MAN1A2: variants seen among roughly 807,000 people sequenced by gnomAD.
MAN1A2 encodes mannosidase alpha class 1A member 2.
MAN1A2 carries 26 observed loss-of-function variants against 75.7 expected under a neutral mutation model. The ratio of observed to expected loss-of-function variants is 0.34; its 90% CI spans 0.25 to 0.48. The LOEUF (loss-of-function observed/expected upper bound fraction) is 0.48. Among genes scored for constraint, MAN1A2 ranks in the 20% least tolerant of loss-of-function variants. MAN1A2 has a pLI of 0.99. For synonymous variants in MAN1A2, 247 were observed against 264.6 expected, an observed-to-expected ratio of 0.93 and a Z score of 0.65; for missense variants, 562 against 775.5, an observed-to-expected ratio of 0.72 and a Z score of 3.27.
At position 117,404,028 on chromosome 1, in the gene MAN1A2, C is replaced by G. The variant is rs540792889; in HGVS notation, c.559-1521C>G. On this transcript the variant is annotated intron_variant, in intron 2 of 12. Coordinates refer to ENST00000356554, the MANE Select transcript of MAN1A2 (RefSeq NM_006699.5). ...ATTGTCTTCATTTTTCTCTAGATGA[C>G]TGTATGATTTTTTTTCCTTTATTCT... 2.0e-5 allele frequency among the ~76,000 whole-genome samples: 3 copies of G among 152,180 alleles called. No homozygotes were observed. In the East Asian group the frequency reaches 5.8e-4, roughly 29 times the overall value.
chr1:117,389,397 A>G (rs962423031), intron 1 of MAN1A2, among the ~76,000 whole-genome samples: 4 of 152,158 alleles, frequency 2.6e-5, no homozygotes, highest in African/African-American at 7.2e-5. Flanking sequence ...GATCCCTCAC[A>G]TGAGCAGTTC....
chr1:117,486,489 C>T (rs1650704714), intron 8 of MAN1A2, among the ~76,000 whole-genome samples: 1 of 151,862 alleles, frequency 6.6e-6, no homozygotes, highest in Non-Finnish European at 1.5e-5. Flanking sequence ...ATTCTATAAA[C>T]ATTTTTAATT....
intron 6 of MAN1A2, among the ~76,000 whole-genome samples, chr1:117,448,342 A>G (rs1038761363): frequency 2.6e-5 from 4 of 152,234 alleles, no homozygotes; most frequent in African/African-American, 7.2e-5. Context: ...ACTTTATGGC[A>G]TGCAAAGAAG....
In MAN1A2 at chr1:117,489,836, G is replaced by A. The variant is rs187353923; in HGVS notation, c.1169-3311G>A. Among the ~76,000 whole-genome samples the A allele has an allele frequency of 7.2e-4, 109 of 152,028 alleles. 1 individual carries two copies. The highest frequency in any genetic ancestry group is 2.6e-3 in the African/African-American group (108 of 41,492). ...TGCTTTTTCTTTCCCATAATGGATA[G>A]CCAGTTTTTGCCATAAATCACTGAA... On this transcript the variant is annotated intron_variant, in intron 8 of 12. Coordinates refer to ENST00000356554, the MANE Select transcript of MAN1A2 (RefSeq NM_006699.5).
Position 117,505,967 on chromosome 1 carries a change from A to G in MAN1A2, c.1793+2997A>G, listed in dbSNP as rs1421016070. ...TTATTTTGTTTGAAACAGTGATCTTAGGGAAGATACAAAAACACTCAATCT... is the reference window on the plus strand; with the variant it reads ...TTATTTTGTTTGAAACAGTGATCTTGGGGAAGATACAAAAACACTCAATCT... On this transcript the variant is annotated intron_variant, in intron 12 of 12. Transcript: ENST00000356554. Among the ~76,000 whole-genome samples, 3 of 151,472 alleles carry G rather than the reference A, an allele frequency of 2.0e-5. No individual in the cohort carries two copies. The Admixed American group carries it at 2.0e-4, about 10-fold the overall frequency.
Position 117,428,091 on chromosome 1 carries a change from ATCTCTC to A in MAN1A2, c.855+7458_855+7463del, listed in dbSNP as rs35953056. Among the ~76,000 whole-genome samples, 777 of 146,872 alleles carry A rather than the reference ATCTCTC, an allele frequency of 5.3e-3. 6 individuals carry two copies. Among genetic ancestry groups the A allele is most frequent in the Admixed American group, 0.012 (178 of 14,880 alleles). ...TTAACCACCAATAAATAAACTGTAA[ATCTCTC>A]TCTCTCTCTCTCTCTATTTTTTTTT... On this transcript the variant is annotated intron_variant, in intron 5 of 12. Coordinates refer to ENST00000356554, the MANE Select transcript of MAN1A2 (RefSeq NM_006699.5).
At chr1:117,468,001 A>G (rs1245100863) in intron 8 of MAN1A2, among the ~76,000 whole-genome samples, 1 of 152,148 alleles carries the variant, frequency 6.6e-6, no homozygotes, top group Admixed American at 6.6e-5. Context: ...TACAAAAAAA[A>G]GATGTCAGTT....
At chr1:117,486,970 G>T (rs1650725947) in intron 8 of MAN1A2, among the ~76,000 whole-genome samples, 2 of 152,124 alleles carry the variant, frequency 1.3e-5, no homozygotes, top group Admixed American at 6.6e-5. Flanking sequence ...GAAGAGAGCT[G>T]AGTGTGAGTA....
At chr1:117,438,700 A>G (rs1243189846) in intron 5 of MAN1A2, among the ~76,000 whole-genome samples, 3 of 152,176 alleles carry the variant, frequency 2.0e-5, no homozygotes, top group Non-Finnish European at 2.9e-5. Flanking sequence ...AATACTTACC[A>G]TTGTGTTAAA....
chr1:117,490,719 C>T (rs939051745), intron 8 of MAN1A2, among the ~76,000 whole-genome samples: 1 of 152,050 alleles, frequency 6.6e-6, no homozygotes, highest in African/African-American at 2.4e-5. Context: ...AGGCCAAAGG[C>T]TAAGCCTCTT....
intron 12 of MAN1A2, among the ~76,000 whole-genome samples, chr1:117,517,036 C>A (rs879352734): frequency 1.3e-5 from 2 of 152,110 alleles, no homozygotes; most frequent in African/African-American, 4.8e-5. Flanking sequence ...AGCAACCAGA[C>A]TGTAAAAATT....
chr1:117,439,229 G>A (rs1648947305), intron 5 of MAN1A2, among the ~76,000 whole-genome samples: 1 of 152,078 alleles, frequency 6.6e-6, no homozygotes, highest in Non-Finnish European at 1.5e-5. Context: ...GAAGGTAATG[G>A]GGATACATCT....
intron 1 of MAN1A2, 70 bp downstream of exon 1, chr1:117,368,555 T>A (rs1467015582): frequency 4.4e-6 from 6 of 1,369,444 alleles, no homozygotes; most frequent in Non-Finnish European, 6.0e-6. Context: ...ATCGAATCTG[T>A]CTTTTTTTTT....
intron 1 of MAN1A2, among the ~76,000 whole-genome samples, chr1:117,382,882 A>G (rs1653398872): frequency 6.6e-6 from 1 of 152,190 alleles, no homozygotes; most frequent in Non-Finnish European, 1.5e-5. Context: ...TGTTGATGTT[A>G]TGCACTACAA....
rs1651978811 is a variant in MAN1A2, at chr1:117,525,238, G to A, written c.*2281G>A. 2.2e-6 allele frequency: 1 copy of A among 453,726 alleles called. No individual in the cohort carries two copies. Among genetic ancestry groups the A allele is most frequent in the South Asian group, 1.6e-5 (1 of 61,110 alleles). The allele number at this position is 453,726 out of a possible 1,614,324, so 28.1% of individuals were successfully genotyped here. ...AAGAATTTGACAGGGACAATGGAAG[G>A]GTCTTCTTCACCACTCCTTACCTTC... On this transcript the variant is annotated 3_prime_UTR_variant, in exon 13 of 13. Coordinates refer to ENST00000356554, the MANE Select transcript of MAN1A2 (RefSeq NM_006699.5).
At position 117,426,685 on chromosome 1, in the gene MAN1A2, G is replaced by A. The variant is rs78391343; in HGVS notation, c.855+6036G>A. ...AAAACGAATAACAGAATGGCCATAC[G>A]AGCACTTGAAGTATAGTTACTACTG... On this transcript the variant is annotated intron_variant, in intron 5 of 12. Coordinates refer to ENST00000356554, the MANE Select transcript of MAN1A2 (RefSeq NM_006699.5). Among the ~76,000 whole-genome samples, 1,116 of 152,174 alleles carry A rather than the reference G, an allele frequency of 7.3e-3. 18 individuals carry two copies. Among genetic ancestry groups the A allele is most frequent in the African/African-American group, 0.026 (1,067 of 41,536 alleles).
At chr1:117,500,930 A>G (rs1651180381) in intron 11 of MAN1A2, among the ~76,000 whole-genome samples, 1 of 151,848 alleles carries the variant, frequency 6.6e-6, no homozygotes, top group Non-Finnish European at 1.5e-5. Flanking sequence ...TAATCATATA[A>G]TGAATCTGTT....
chr1:117,510,536 A>T (rs150976075), intron 12 of MAN1A2, among the ~76,000 whole-genome samples: 3 of 152,216 alleles, frequency 2.0e-5, no homozygotes, highest in African/African-American at 7.2e-5. Flanking sequence ...CTTAGGAAGT[A>T]AATGGAATGA....
At chr1:117,520,647 A>G (rs980648067) in intron 12 of MAN1A2, among the ~76,000 whole-genome samples, 1 of 152,112 alleles carries the variant, frequency 6.6e-6, no homozygotes, top group African/African-American at 2.4e-5. Context: ...GGAAGACTAC[A>G]AAACATGCTG....
Sources: gnomAD v4.1 joint callset for allele counts (sites outside exome capture counted in the v4.1 genomes callset) on GRCh38, gnomAD v4.1.1 for gene constraint, MANE v1.5 for transcripts, NCBI Gene and HGNC (gene_info 2026-07-23, HGNC 2026-07-21) for gene names.